Variants in SLX4IP observed in about 807,000 individuals in gnomAD.
SLX4IP encodes SLX4 interacting protein, also known as protein SLX4IP.
SLX4IP carries 34 observed loss-of-function variants against 32.9 expected under a neutral mutation model. The observed-to-expected ratio is 1.03, with a 90% confidence interval of 0.79 to 1.38. SLX4IP has a LOEUF of 1.38. SLX4IP is among the 40% of genes most tolerant of loss of function. The probability of loss-of-function intolerance (pLI) is 0.00; values close to 1 mark genes in which losing one functional copy is unlikely to be tolerated. For missense variants in SLX4IP, 444 were observed against 479.0 expected (o/e 0.93, Z 0.68); for synonymous variants, 172 against 171.7 (o/e 1.00, Z -0.01).
chr20:10,492,798 T>C (rs2065634906), intron 2 of SLX4IP, among the ~76,000 whole-genome samples: 2 of 152,216 alleles, frequency 1.3e-5, no homozygotes. Context: ...GTATAGTTTT[T>C]ACTTCCCAAT....
chr20:10,526,062 A>G (rs1382113616), intron 2 of SLX4IP, among the ~76,000 whole-genome samples: 4 of 151,972 alleles, frequency 2.6e-5, no homozygotes, highest in African/African-American at 9.7e-5. Flanking sequence ...TCTTTGTTCT[A>G]GCCTGCATTT....
chr20:10,436,403 T>C (rs1385754303), intron 1 of SLX4IP, among the ~76,000 whole-genome samples: 3 of 152,068 alleles, frequency 2.0e-5, no homozygotes, highest in African/African-American at 7.2e-5. Context: ...GTTGCCCAGG[T>C]TGGAGTGCAG....
At chr20:10,474,827 T>C (rs530018865) in intron 2 of SLX4IP, among the ~76,000 whole-genome samples, 1 of 152,372 alleles carries the variant, frequency 6.6e-6, no homozygotes, top group South Asian at 2.1e-4. Flanking sequence ...CTTTGGCCAC[T>C]GATCTCTGTA....
intron 2 of SLX4IP, among the ~76,000 whole-genome samples, chr20:10,499,460 G>T (rs1037898151): frequency 6.6e-6 from 1 of 152,154 alleles, no homozygotes; most frequent in Non-Finnish European, 1.5e-5. Flanking sequence ...CATATTGGTT[G>T]TAAATCAGTA....
chr20:10,504,659 A>C (rs1282241974), intron 2 of SLX4IP, among the ~76,000 whole-genome samples: 1 of 152,100 alleles, frequency 6.6e-6, no homozygotes, highest in African/African-American at 2.4e-5. Context: ...TGTGTGTAGA[A>C]GCCCAAGCAG....
intron 2 of SLX4IP, among the ~76,000 whole-genome samples, chr20:10,501,572 GC>G: frequency 6.6e-6 from 1 of 152,346 alleles, no homozygotes; most frequent in Non-Finnish European, 1.5e-5. Context: ...CTCCACAGAA[GC>G]CTCCTTGTTT....
chr20:10,479,932 C>T (rs571407355), intron 2 of SLX4IP, among the ~76,000 whole-genome samples: 1 of 151,968 alleles, frequency 6.6e-6, no homozygotes, highest in African/African-American at 2.4e-5. Flanking sequence ...TGAACCAGGG[C>T]GTCAGAGGTT....
chr20:10,617,484 C>T (rs911683011), intron 6 of SLX4IP, among the ~76,000 whole-genome samples: 3 of 152,192 alleles, frequency 2.0e-5, no homozygotes, highest in Non-Finnish European at 2.9e-5. Flanking sequence ...AGGCCAACTT[C>T]TCTCCCTATC....
chr20:10,572,619 T>C (rs577356373), intron 4 of SLX4IP, among the ~76,000 whole-genome samples: 48 of 152,294 alleles, frequency 3.2e-4, no homozygotes, highest in African/African-American at 1.2e-3. Context: ...CTGTATAACC[T>C]TTTCTTGTAG....
intron 2 of SLX4IP, among the ~76,000 whole-genome samples, chr20:10,492,275 C>G (rs6077817): frequency 0.11 from 17,207 of 152,162 alleles, 1,313 homozygotes; most frequent in Non-Finnish European, 0.17. Context: ...CAGAACATGA[C>G]TCAGGCTCAG....
intron 2 of SLX4IP, among the ~76,000 whole-genome samples, chr20:10,502,058 C>T (rs576344785): frequency 2.6e-5 from 4 of 152,208 alleles, no homozygotes; most frequent in East Asian, 3.9e-4. Context: ...GCCGAAACGG[C>T]GGCTTATTCA....
chr20:10,562,623 G>T (rs1308252687), intron 4 of SLX4IP, among the ~76,000 whole-genome samples: 1 of 152,168 alleles, frequency 6.6e-6, no homozygotes, highest in African/African-American at 2.4e-5. Flanking sequence ...CCTCACCTAG[G>T]TCTGTGGGCA....
intron 4 of SLX4IP, among the ~76,000 whole-genome samples, chr20:10,582,609 T>G (rs1345859702): frequency 6.6e-6 from 1 of 152,176 alleles, no homozygotes; most frequent in Non-Finnish European, 1.5e-5. Flanking sequence ...TATTTTCAAC[T>G]TGGGCCACTA....
rs146214063 is a variant in SLX4IP, at chr20:10,445,786, G to A, written c.-30+10333G>A. Reference sequence around the variant, plus strand: ...ACTACAGGCACATGCCACTAAGCCCGGCTAATTTTTTGTATTTTTAGTAGA... The same window carrying A: ...ACTACAGGCACATGCCACTAAGCCCAGCTAATTTTTTGTATTTTTAGTAGA... On this transcript the variant is annotated intron_variant, in intron 1 of 7. Transcript: ENST00000334534. 4.6e-3 allele frequency among the ~76,000 whole-genome samples: 698 copies of A among 151,644 alleles called. 7 individuals carry two copies. Among genetic ancestry groups the A allele is most frequent in the African/African-American group, 0.016 (655 of 41,312 alleles).
At chr20:10,527,014 A>G (rs1341189640) in intron 2 of SLX4IP, among the ~76,000 whole-genome samples, 1 of 152,222 alleles carries the variant, frequency 6.6e-6, no homozygotes, top group African/African-American at 2.4e-5. Flanking sequence ...TCACAGGTGC[A>G]ACCAAAGCAA....
At chr20:10,458,971 T>A (rs6077807) in intron 2 of SLX4IP, among the ~76,000 whole-genome samples, 5 of 152,006 alleles carry the variant, frequency 3.3e-5, no homozygotes, top group Admixed American at 1.3e-4. Flanking sequence ...TAATTTACAC[T>A]CCCACCAACA....
At chr20:10,522,445 G>T (rs1351168725) in intron 2 of SLX4IP, among the ~76,000 whole-genome samples, 1 of 152,160 alleles carries the variant, frequency 6.6e-6, no homozygotes, top group African/African-American at 2.4e-5. Flanking sequence ...TGCTCTGTTG[G>T]TGAGAGCTGG....
At chr20:10,477,652 A>G (rs1568699951) in intron 2 of SLX4IP, among the ~76,000 whole-genome samples, 3 of 152,180 alleles carry the variant, frequency 2.0e-5, no homozygotes, top group Admixed American at 6.5e-5. Context: ...CTTCTCTCCA[A>G]TATGGGGATA....
intron 4 of SLX4IP, among the ~76,000 whole-genome samples, chr20:10,579,413 T>C (rs1368396786): frequency 1.3e-5 from 2 of 152,030 alleles, no homozygotes; most frequent in East Asian, 3.9e-4. Context: ...CTGTTTCTTT[T>C]TTTTCTTTTC....
Sources: allele counts gnomAD v4.1 joint callset (sites outside exome capture counted in the v4.1 genomes callset), GRCh38; gene constraint gnomAD v4.1.1; transcripts MANE v1.5; gene names NCBI Gene and HGNC (gene_info 2026-07-23, HGNC 2026-07-21).